The following ANXA4 variants were observed in gnomAD, a reference collection of about 807,000 sequenced individuals.
The protein encoded by ANXA4 is annexin A4.
A neutral mutation model predicts 49.8 loss-of-function variants in ANXA4; 39 were observed. That is an observed-to-expected ratio of 0.78 (90% CI 0.61 to 1.02). The LOEUF is 1.02. Ranked by LOEUF, ANXA4 falls within the 50% of genes least tolerant of loss-of-function variation. The pLI, the probability that ANXA4 is intolerant of heterozygous loss-of-function variation, is 0.00. For synonymous variants in ANXA4, 134 were observed against 152.5 expected (o/e 0.88, Z 0.89); for missense variants, 360 against 410.1 (o/e 0.88, Z 1.05).
upstream of ANXA4, among the ~76,000 whole-genome samples, chr2:69,739,220 C>A (rs1030010910): frequency 3.3e-5 from 5 of 152,212 alleles, no homozygotes; most frequent in Admixed American, 6.5e-5. Context: ...CTCTCCTATC[C>A]CGAGAAATCC....
chr2:69,672,664 C>T (rs1001593130), intron 2 of ANXA4, among the ~76,000 whole-genome samples: 1 of 151,972 alleles, frequency 6.6e-6, no homozygotes, highest in Non-Finnish European at 1.5e-5. Context: ...GTAGAAATAG[C>T]ATAAAAACAT....
chr2:69,767,912 G>A (rs401724), intron 1 of ANXA4, among the ~76,000 whole-genome samples: 152,129 of 152,250 alleles, frequency 1, 76,004 homozygotes, highest in Middle Eastern at 1. Flanking sequence ...ATACGCATAT[G>A]TACATACTCT....
chr2:69,789,923 G>A lies in ANXA4; in HGVS notation c.97+1782G>A, dbSNP rs1274584518. Reference sequence around the variant, plus strand: ...CTGTTTTTAGCTCCTCAATCTTACTGCGCCTAAAGGGAAGGAATATGCTTA... The same window carrying A: ...CTGTTTTTAGCTCCTCAATCTTACTACGCCTAAAGGGAAGGAATATGCTTA... On this transcript the variant is annotated intron_variant, in intron 3 of 12. Transcript: ENST00000394295. Among the ~76,000 whole-genome samples the A allele has an allele frequency of 2.6e-4, 40 of 152,058 alleles. 1 individual carries two copies.
intron 12 of ANXA4, among the ~76,000 whole-genome samples, chr2:69,822,906 T>TTATA (rs1201230740): frequency 2.0e-5 from 3 of 151,646 alleles, no homozygotes; most frequent in Non-Finnish European, 4.4e-5. Context: ...AAATGACAAA[T>TTATA]TATATATATA....
intron 2 of ANXA4, among the ~76,000 whole-genome samples, chr2:69,660,103 A>G (rs2136438): frequency 0.071 from 10,827 of 152,190 alleles, 1,132 homozygotes; most frequent in East Asian, 0.37. Flanking sequence ...ATGTATGCAC[A>G]TATGTATGTA....
At chr2:69,805,256 T>C (rs539071078) in intron 4 of ANXA4, among the ~76,000 whole-genome samples, 3 of 152,142 alleles carry the variant, frequency 2.0e-5, no homozygotes, top group African/African-American at 7.2e-5. Flanking sequence ...ATCACAAAGA[T>C]ACAACTAAAT....
intron 1 of ANXA4, among the ~76,000 whole-genome samples, chr2:69,646,023 TAGAG>T (rs931233371): frequency 1.6e-4 from 25 of 152,126 alleles, no homozygotes; most frequent in Non-Finnish European, 3.4e-4. Context: ...ACTGTCTACT[TAGAG>T]AGAGCAAACA....
At chr2:69,655,729 A>T (rs1295658823) in intron 2 of ANXA4, among the ~76,000 whole-genome samples, 1 of 152,018 alleles carries the variant, frequency 6.6e-6, no homozygotes, top group Non-Finnish European at 1.5e-5. Context: ...ACATGCACAC[A>T]TATGTTTATT....
At chr2:69,784,408 T>A (rs561118377) in intron 2 of ANXA4, among the ~76,000 whole-genome samples, 2 of 152,312 alleles carry the variant, frequency 1.3e-5, no homozygotes, top group African/African-American at 4.8e-5. Context: ...AGTGTTTGAG[T>A]GCCATCCAAA....
At chr2:69,692,960 C>T (rs1678023305) in intron 2 of ANXA4, among the ~76,000 whole-genome samples, 1 of 152,064 alleles carries the variant, frequency 6.6e-6, no homozygotes, top group Non-Finnish European at 1.5e-5. Context: ...ATGCAATCTG[C>T]ATACTGCTAA....
At chr2:69,705,124 C>T (rs1678446391) in intron 2 of ANXA4, among the ~76,000 whole-genome samples, 1 of 151,742 alleles carries the variant, frequency 6.6e-6, no homozygotes, top group Non-Finnish European at 1.5e-5. Context: ...CCCACTACTT[C>T]TACAAAAATA....
chr2:69,684,691 A>C (rs1573099660), intron 2 of ANXA4, among the ~76,000 whole-genome samples: 1 of 151,626 alleles, frequency 6.6e-6, no homozygotes, highest in Non-Finnish European at 1.5e-5. Context: ...GTCTCAAAAA[A>C]AAAAAAAAAA....
intron 2 of ANXA4, among the ~76,000 whole-genome samples, chr2:69,664,000 T>C (rs1676839359): frequency 6.6e-6 from 1 of 152,124 alleles, no homozygotes; most frequent in Non-Finnish European, 1.5e-5. Flanking sequence ...CCAGGGCACG[T>C]TGTGATATGG....
At chr2:69,653,093 A>G (rs1264264332) in exon 2 of ANXA4, 5 of 152,200 alleles carry the variant, frequency 3.3e-5, no homozygotes, top group Non-Finnish European at 7.3e-5. Flanking sequence ...GCTACACGTC[A>G]TCCACACAGG....
At chr2:69,760,252 A>G (rs6727897) in intron 1 of ANXA4, among the ~76,000 whole-genome samples, 77,881 of 152,012 alleles carry the variant, frequency 0.51, 20,429 homozygotes, top group East Asian at 0.79. Context: ...TTTCATTGAA[A>G]CCAAACAGTA....
chr2:69,694,817 G>T (rs1220884019), intron 2 of ANXA4, among the ~76,000 whole-genome samples: 2 of 151,832 alleles, frequency 1.3e-5, no homozygotes, highest in African/African-American at 2.4e-5. Context: ...TCAGAGAGGG[G>T]GTCTTGCTAT....
chr2:69,683,380 T>C (rs1677665819), intron 2 of ANXA4, among the ~76,000 whole-genome samples: 1 of 152,174 alleles, frequency 6.6e-6, no homozygotes, highest in Non-Finnish European at 1.5e-5. Flanking sequence ...AATTGAGTGA[T>C]GTTTACTGGA....
chr2:69,788,825 G>A (rs1431448234), intron 3 of ANXA4, among the ~76,000 whole-genome samples: 9 of 132,246 alleles, frequency 6.8e-5, no homozygotes, highest in Admixed American at 1.6e-4. Flanking sequence ...GCGACAGAGC[G>A]AGACTCCATC....
At chr2:69,792,341 C>T (rs924046970) in intron 3 of ANXA4, among the ~76,000 whole-genome samples, 1 of 152,176 alleles carries the variant, frequency 6.6e-6, no homozygotes, top group African/African-American at 2.4e-5. Flanking sequence ...TTTACCCTTG[C>T]ATTAGTTTGC....
Sources: allele counts gnomAD v4.1 joint callset (sites outside exome capture counted in the v4.1 genomes callset), GRCh38; gene constraint gnomAD v4.1.1; transcripts MANE v1.5; gene names NCBI Gene and HGNC (gene_info 2026-07-23, HGNC 2026-07-21).